RECK: variants seen among roughly 807,000 people sequenced by gnomAD.
RECK encodes reversion-inducing cysteine-rich protein with Kazal motifs.
Under a neutral mutation model 115.1 loss-of-function variants are expected in RECK, and 69 were observed. The observed-to-expected ratio is 0.60, with a 90% CI of 0.49 to 0.73. The LOEUF is 0.73. RECK is among the 30% of genes least tolerant of loss of function. The pLI is 0.00. For synonymous variants in RECK, 414 were observed against 419.7 expected (o/e 0.99, Z 0.17); for missense variants, 1,047 against 1,203.7 (o/e 0.87, Z 1.93).
intron 10 of RECK, among the ~76,000 whole-genome samples, chr9:36,099,826 A>G (rs1764934253): frequency 1.3e-5 from 2 of 152,138 alleles, no homozygotes; most frequent in Admixed American, 1.3e-4. Flanking sequence ...AAGTATAAAT[A>G]GTTATGGCCT....
Position 36,102,278 on chromosome 9 carries a change from C to G in RECK, c.1435+48C>G, listed in dbSNP as rs75300380. 7,029 of 1,475,844 alleles carry G rather than the reference C, an allele frequency of 4.8e-3. 307 individuals carry two copies. In the African/African-American group the frequency reaches 0.087, roughly 18 times the overall value. The allele number at this position is 1,475,844 out of a possible 1,614,324, so 91.4% of individuals were successfully genotyped here. A position where few individuals can be genotyped will look rare whatever the true frequency, so the allele number is the denominator to read the frequency against. ...GTTTTTAGATTTCAAATACTTCTCTCTTCCAACTATTTGTTTTACTATTTG... is the reference window on the plus strand; with the variant it reads ...GTTTTTAGATTTCAAATACTTCTCTGTTCCAACTATTTGTTTTACTATTTG... On this transcript the variant is annotated intron_variant, in intron 12 of 20. Coordinates refer to ENST00000377966, the MANE Select transcript of RECK (RefSeq NM_021111.3).
chr9:36,062,482 G>T (rs958987568), intron 4 of RECK, among the ~76,000 whole-genome samples: 2 of 149,510 alleles, frequency 1.3e-5, no homozygotes, highest in African/African-American at 4.9e-5. Context: ...TTGTTGTTTT[G>T]GTTTTTTGTT....
At chr9:36,045,742 G>A (rs922533808) in intron 1 of RECK, among the ~76,000 whole-genome samples, 13 of 151,928 alleles carry the variant, frequency 8.6e-5, no homozygotes, top group Non-Finnish European at 1.9e-4. Context: ...ATTAGGGTGT[G>A]TATTTGTTTT....
intron 16 of RECK, 143 bp downstream of exon 16, chr9:36,112,619 C>A: frequency 1.1e-6 from 1 of 882,772 alleles, no homozygotes; most frequent in Non-Finnish European, 1.7e-6. Context: ...GGAAAGAGAG[C>A]CATGTAAAGC....
chr9:36,085,949 G>A (rs1295949778), intron 8 of RECK: 1 of 151,838 alleles, frequency 6.6e-6, no homozygotes, highest in African/African-American at 2.4e-5. Flanking sequence ...TACTGCTGGA[G>A]CTAAGGAGAT....
At chr9:36,042,567 A>T (rs1238544740) in intron 1 of RECK, among the ~76,000 whole-genome samples, 1 of 151,786 alleles carries the variant, frequency 6.6e-6, no homozygotes, top group Non-Finnish European at 1.5e-5. Context: ...CATTTTCTTT[A>T]TCCACTTGTT....
In RECK at chr9:36,100,245, A is replaced by T. The variant is rs1350002632; in HGVS notation, c.1086-86A>T. On this transcript the variant is annotated intron_variant, in intron 10 of 20. Coordinates refer to ENST00000377966, the MANE Select transcript of RECK (RefSeq NM_021111.3). ...TTCTTAAGAAAACCAGATTTTTCTG[A>T]TGCATTAGTATGTCAGGATTTTACT... 3.8e-6 allele frequency: 4 copies of T among 1,043,540 alleles called. No individual in the cohort carries two copies. In the East Asian group the frequency reaches 1.0e-4, roughly 27 times the overall value. The allele number at this position is 1,043,540 out of a possible 1,614,324, so 64.6% of individuals were successfully genotyped here.
At chr9:36,064,578 A>G (rs931932847) in intron 5 of RECK, among the ~76,000 whole-genome samples, 2 of 152,210 alleles carry the variant, frequency 1.3e-5, no homozygotes, top group African/African-American at 4.8e-5. Flanking sequence ...CTTATCTCAG[A>G]TAAGAGTATA....
intron 2 of RECK, among the ~76,000 whole-genome samples, chr9:36,056,500 TC>T (rs1821531696): frequency 6.6e-6 from 1 of 152,172 alleles, no homozygotes; most frequent in Admixed American, 6.5e-5. Flanking sequence ...GCTATTCACA[TC>T]CCCCTGGTGT....
chr9:36,079,053 G>A (rs184725172), intron 6 of RECK, among the ~76,000 whole-genome samples: 15 of 151,846 alleles, frequency 9.9e-5, no homozygotes, highest in African/African-American at 3.4e-4. Flanking sequence ...GCACCACCAC[G>A]CCCGGCTAAT....
chr9:36,052,305 C>T lies in RECK; in HGVS notation c.141C>T (p.Cys47=), dbSNP rs373725096. 3.1e-6 allele frequency: 5 copies of T among 1,608,654 alleles called. No individual in the cohort carries two copies. Among genetic ancestry groups the T allele is most frequent in the Non-Finnish European group, 4.3e-6 (5 of 1,175,378 alleles). The part of the protein sequence containing the change: ...CCNHSKDNQM[C]RDVCEQIFSS... ...ATCATTCAAAGGATAACCAAATGTGCCGTGATGTATGTGAACAGGTAAGAT... is the reference window on the plus strand; with the variant it reads ...ATCATTCAAAGGATAACCAAATGTGTCGTGATGTATGTGAACAGGTAAGAT... The change falls in exon 2 of 21, where the codon TGC becomes TGT. Residue 47 remains cysteine, a synonymous_variant. Transcript: ENST00000377966.
At chr9:36,122,733 G>A (rs1824506201) in intron 20 of RECK, 91 bp from the exon 21 acceptor site, 31 of 980,576 alleles carry the variant, frequency 3.2e-5, no homozygotes, top group South Asian at 2.4e-4. Context: ...CTGAGGCCAC[G>A]CTACTTTTAG....
At position 36,052,261 on chromosome 9, in the gene RECK, C is replaced by T. The variant is rs1456378809; in HGVS notation, c.101-4C>T. On this transcript the variant is annotated splice_region_variant and splice_polypyrimidine_tract_variant and intron_variant, in intron 1 of 20. Transcript: ENST00000377966. ...AACATTTGATGTTTATTTTTTCTCC[C>T]TAGGTGCATTGTGTTGTAATCATTC... is the stretch of plus-strand genomic sequence containing the variant. 1 of 1,594,636 alleles carries T rather than the reference C, an allele frequency of 6.3e-7. No individual in the cohort carries two copies. Among genetic ancestry groups the T allele is most frequent in the East Asian group, 2.2e-5 (1 of 44,738 alleles).
intron 10 of RECK, among the ~76,000 whole-genome samples, chr9:36,098,516 A>G (rs1823448280): frequency 6.6e-6 from 1 of 152,240 alleles, no homozygotes; most frequent in Non-Finnish European, 1.5e-5. Flanking sequence ...GTAGTATGTT[A>G]CTACTGGGAG....
chr9:36,106,230 A>T (rs1319572772), intron 13 of RECK, among the ~76,000 whole-genome samples: 1 of 147,492 alleles, frequency 6.8e-6, no homozygotes, highest in Non-Finnish European at 1.5e-5. Flanking sequence ...AAAAAAGATT[A>T]AAAAAAAACG....
intron 20 of RECK, among the ~76,000 whole-genome samples, chr9:36,122,272 A>G (rs1373046502): frequency 2.6e-5 from 4 of 152,208 alleles, no homozygotes; most frequent in Admixed American, 2.0e-4. Context: ...ATCACTAGGA[A>G]GTTCATCTCG....
At chr9:36,098,349 A>G (rs1223012918) in intron 10 of RECK, among the ~76,000 whole-genome samples, 1 of 152,216 alleles carries the variant, frequency 6.6e-6, no homozygotes, top group Admixed American at 6.5e-5. Context: ...TGTCCATTTA[A>G]AAAATTTAAA....
intron 10 of RECK, among the ~76,000 whole-genome samples, chr9:36,092,542 A>ATTTTTTTTTTT (rs71508011): frequency 2.6e-4 from 31 of 117,042 alleles, no homozygotes; most frequent in African/African-American, 3.1e-4. Context: ...CACCCAGCTA[A>ATTTTTTTTTTT]TTTTTTTTTT....
At chr9:36,081,670 C>T (rs1056636949) in intron 7 of RECK, among the ~76,000 whole-genome samples, 1 of 151,970 alleles carries the variant, frequency 6.6e-6, no homozygotes, top group Non-Finnish European at 1.5e-5. Flanking sequence ...CCCATCTCTA[C>T]TAAAAATACA....
Sources: gnomAD v4.1 joint callset for allele counts (sites outside exome capture counted in the v4.1 genomes callset) on GRCh38, gnomAD v4.1.1 for gene constraint, MANE v1.5 for transcripts, NCBI Gene and HGNC (gene_info 2026-07-23, HGNC 2026-07-21) for gene names.